The following PDE3B variants were observed in gnomAD, a reference collection of about 807,000 sequenced individuals.
PDE3B encodes phosphodiesterase 3B.
PDE3B carries 66 observed loss-of-function variants against 116.8 expected under a neutral mutation model. The observed-to-expected ratio is 0.56, with a 90% CI of 0.46 to 0.69. The LOEUF (loss-of-function observed/expected upper bound fraction) is 0.69. PDE3B is among the 30% of genes least tolerant of loss of function. The probability of loss-of-function intolerance (pLI) is 0.00; values close to 1 mark genes in which losing one functional copy is unlikely to be tolerated. For synonymous variants in PDE3B, 595 were observed against 533.6 expected, an observed-to-expected ratio of 1.12 and a Z score of -1.59; for missense variants, 1,384 against 1,368.1, an observed-to-expected ratio of 1.01 and a Z score of -0.18.
At chr11:14,790,751 G>A (rs745747370) in intron 4 of PDE3B, among the ~76,000 whole-genome samples, 12 of 152,036 alleles carry the variant, frequency 7.9e-5, no homozygotes, top group Non-Finnish European at 1.6e-4. Context: ...TATTATGTAC[G>A]TCTATTTTAA....
chr11:14,667,421 A>C (rs9735337), intron 1 of PDE3B, among the ~76,000 whole-genome samples: 2 of 151,158 alleles, frequency 1.3e-5, no homozygotes, highest in African/African-American at 4.9e-5. Context: ...GTACCCTAAA[A>C]CTTAAAGTAT....
rs185960839 is a variant in PDE3B at position 14,808,314 on chromosome 11, G to A, written c.1522+4264G>A. On this transcript the variant is annotated intron_variant, in intron 5 of 15. Transcript: ENST00000282096. ...GCCAGCAACATAATAAACCTTTGGT[G>A]TTGGAGGGATCTGATATCAAAACTT... Among the ~76,000 whole-genome samples, 5 of 152,286 alleles carry A rather than the reference G, an allele frequency of 3.3e-5. No individual in the cohort carries two copies. In the East Asian group the frequency reaches 9.6e-4, roughly 29 times the overall value.
At chr11:14,688,648 A>C (rs1565092946) in intron 1 of PDE3B, among the ~76,000 whole-genome samples, 1 of 152,110 alleles carries the variant, frequency 6.6e-6, no homozygotes, top group African/African-American at 2.4e-5. Flanking sequence ...GATAACTAGC[A>C]CTCAGCCATT....
the PDE3B span, chr11:14,880,178 G>A: frequency 3.7e-5 from 60 of 1,612,724 alleles, no homozygotes; most frequent in Admixed American, 1.7e-4. Context: ...ATCGCCCACC[G>A]TAGCACATTG....
chr11:14,769,576 A>G (rs1333535520), intron 1 of PDE3B, among the ~76,000 whole-genome samples: 2 of 148,464 alleles, frequency 1.3e-5, no homozygotes, highest in African/African-American at 4.9e-5. Context: ...CCGTATTTTG[A>G]TTACAACTCC....
At chr11:14,741,684 C>T (rs569515259) in intron 1 of PDE3B, among the ~76,000 whole-genome samples, 118 of 152,162 alleles carry the variant, frequency 7.8e-4, no homozygotes, top group African/African-American at 2.6e-3. Context: ...TTCATAGTGT[C>T]GATGGTCTTT....
intron 1 of PDE3B, among the ~76,000 whole-genome samples, chr11:14,732,461 A>G (rs1856484782): frequency 6.6e-6 from 1 of 152,210 alleles, no homozygotes. Flanking sequence ...AGAACAGATT[A>G]AATGTACTCT....
chr11:14,895,247 A>C, the PDE3B span, among the ~76,000 whole-genome samples: 6 of 152,364 alleles, frequency 3.9e-5, no homozygotes, highest in South Asian at 6.2e-4. Flanking sequence ...CATTATGTGC[A>C]TTCTCAGTGT....
the PDE3B span, among the ~76,000 whole-genome samples, chr11:14,888,395 T>C: frequency 6.6e-6 from 1 of 152,238 alleles, no homozygotes; most frequent in African/African-American, 2.4e-5. Flanking sequence ...TATAACATCA[T>C]GGGCTAAATG....
chr11:14,845,681 A>C (rs959537416), intron 12 of PDE3B, among the ~76,000 whole-genome samples: 3 of 152,214 alleles, frequency 2.0e-5, no homozygotes, highest in Non-Finnish European at 2.9e-5. Flanking sequence ...CTCGAAAACT[A>C]CGTGAAGAAT....
At chr11:14,784,051 T>C (rs980389854) in intron 2 of PDE3B, among the ~76,000 whole-genome samples, 4 of 152,116 alleles carry the variant, frequency 2.6e-5, no homozygotes, top group Admixed American at 2.6e-4. Flanking sequence ...GGATTTGGGG[T>C]TGTACGCTCC....
chr11:14,657,375 A>G (rs1853743579), intron 1 of PDE3B, among the ~76,000 whole-genome samples: 1 of 152,212 alleles, frequency 6.6e-6, no homozygotes, highest in African/African-American at 2.4e-5. Flanking sequence ...TCCAGTCAGT[A>G]TTAGTCACTT....
At chr11:14,877,034 T>C (rs1400843307), downstream of PDE3B, among the ~76,000 whole-genome samples, 3 of 152,150 alleles carry the variant, frequency 2.0e-5, no homozygotes, top group Non-Finnish European at 2.9e-5. Context: ...ATAGAAGTCA[T>C]TGTGTGCACT....
chr11:14,715,741 C>T (rs1406301603), intron 1 of PDE3B, among the ~76,000 whole-genome samples: 1 of 152,160 alleles, frequency 6.6e-6, no homozygotes, highest in South Asian at 2.1e-4. Flanking sequence ...TAATTGAACA[C>T]CCTTTATTTC....
At chr11:14,795,677 G>C (rs1267004503) in intron 4 of PDE3B, among the ~76,000 whole-genome samples, 1 of 152,146 alleles carries the variant, frequency 6.6e-6, no homozygotes, top group Non-Finnish European at 1.5e-5. Context: ...TCTTTGTCTT[G>C]ACTATTAATC....
In PDE3B at chr11:14,858,457, AC is replaced by A. The variant is rs1317727366; in HGVS notation, c.2521-584del. Reference sequence around the variant, plus strand: ...GTGTAGAAAAAGTGAGTAGTTCCACACCATTTGAACCAGAGGATTTGTGTTT... The same window carrying A: ...GTGTAGAAAAAGTGAGTAGTTCCACACATTTGAACCAGAGGATTTGTGTTT... On this transcript the variant is annotated intron_variant, in intron 12 of 15. Coordinates refer to ENST00000282096, the MANE Select transcript of PDE3B (RefSeq NM_000922.4). Among the ~76,000 whole-genome samples the A allele has an allele frequency of 2.6e-5, 4 of 152,210 alleles. No homozygotes were observed. The East Asian group carries it at 7.7e-4, about 29-fold the overall frequency.
At chr11:14,806,858 C>CAAAAAAAAAAAAAAAAAAAAAAAAAAA (rs953411145) in intron 5 of PDE3B, among the ~76,000 whole-genome samples, 1 of 45,912 alleles carries the variant, frequency 2.2e-5, no homozygotes, top group Non-Finnish European at 4.0e-5. Context: ...GACTCCGTCT[C>CAAAAAAAAAAAAAAAAAAAAAAAAAAA]AAAAAAAAAA....
intron 12 of PDE3B, among the ~76,000 whole-genome samples, chr11:14,856,015 C>T (rs1298421072): frequency 6.6e-6 from 1 of 152,198 alleles, no homozygotes; most frequent in Non-Finnish European, 1.5e-5. Context: ...TGTCCTCACC[C>T]AAATCTCATC....
chr11:14,732,032 A>G (rs577406136), intron 1 of PDE3B, among the ~76,000 whole-genome samples: 19 of 152,308 alleles, frequency 1.2e-4, no homozygotes, highest in Middle Eastern at 6.8e-3. Context: ...AGACATCACT[A>G]GGAAGGTGAC....
Sources: allele counts gnomAD v4.1 joint callset (sites outside exome capture counted in the v4.1 genomes callset), GRCh38; gene constraint gnomAD v4.1.1; transcripts MANE v1.5; gene names NCBI Gene and HGNC (gene_info 2026-07-23, HGNC 2026-07-21).